The following ZNF248 variants were observed in gnomAD, a reference collection of about 807,000 sequenced individuals.
The protein encoded by ZNF248 is zinc finger protein 248.
Under a neutral mutation model 44.3 loss-of-function variants are expected in ZNF248, and 20 were observed. The ratio of observed to expected loss-of-function variants is 0.45; its 90% CI spans 0.32 to 0.66. The LOEUF is 0.66. Ranked by LOEUF, ZNF248 falls within the 30% of genes least tolerant of loss-of-function variation. ZNF248 has a pLI of 0.04. For missense variants in ZNF248, 654 were observed against 677.0 expected (o/e 0.97, Z 0.38); for synonymous variants, 224 against 229.0 (o/e 0.98, Z 0.20).
intron 5 of ZNF248, among the ~76,000 whole-genome samples, chr10:37,837,018 A>C (rs1391650238): frequency 2.6e-5 from 4 of 152,150 alleles, no homozygotes; most frequent in African/African-American, 2.4e-5. Context: ...CAAACTAACC[A>C]AGAAAACATA....
At chr10:37,811,515 G>C (rs930764240) in intron 6 of ZNF248, among the ~76,000 whole-genome samples, 1 of 151,868 alleles carries the variant, frequency 6.6e-6, no homozygotes, top group Non-Finnish European at 1.5e-5. Context: ...AGAACGGCTT[G>C]ATAGTTTTAG....
intron 6 of ZNF248, among the ~76,000 whole-genome samples, chr10:37,789,431 G>A (rs1027939693): frequency 3.3e-5 from 5 of 152,142 alleles, no homozygotes; most frequent in Non-Finnish European, 7.3e-5. Context: ...GGTGTCTGCT[G>A]AATATCAGTA....
At chr10:37,790,146 C>T (rs1339733651) in intron 6 of ZNF248, among the ~76,000 whole-genome samples, 1 of 151,252 alleles carries the variant, frequency 6.6e-6, no homozygotes, top group Non-Finnish European at 1.5e-5. Flanking sequence ...TGGCAGGTGC[C>T]TGCAGTCCCA....
Position 37,832,261 on chromosome 10 carries a change from G to A in ZNF248, c.1094C>T (p.Ser365Leu). 3 of 1,613,994 alleles carry A rather than the reference G, an allele frequency of 1.9e-6. No homozygotes were observed. The highest frequency in any genetic ancestry group is 2.5e-6 in the Non-Finnish European group (3 of 1,179,940). ...AGCTCTCCGAAGCTGGGTAAGATGTGACTTCTTGCTGAAATTACTCCCATT... is the reference window on the plus strand; with the variant it reads ...AGCTCTCCGAAGCTGGGTAAGATGTAACTTCTTGCTGAAATTACTCCCATT... The part of the protein sequence containing the change: ...NENGSNFSKK[S>L]HLTQLRRAHT... The change falls in exon 6 of 6, where the codon TCA becomes TTA. Residue 365 changes from serine to leucine, a missense_variant. Physicochemically the swap from Ser to Leu is moderately radical, Grantham distance 145. Coordinates refer to ENST00000395867, the MANE Select transcript of ZNF248 (RefSeq NM_021045.3).
chr10:37,818,160 C>T (rs1038037355), intron 6 of ZNF248, among the ~76,000 whole-genome samples: 1 of 152,118 alleles, frequency 6.6e-6, no homozygotes, highest in African/African-American at 2.4e-5. Context: ...TTGTGATCCA[C>T]CTTCCTTGGC....
At chr10:37,808,655 T>C (rs1015722435) in intron 6 of ZNF248, among the ~76,000 whole-genome samples, 1 of 152,128 alleles carries the variant, frequency 6.6e-6, no homozygotes, top group Admixed American at 6.6e-5. Flanking sequence ...TGCATTAGGG[T>C]TCATAAGGGA....
In ZNF248 at chr10:37,844,172, G is replaced by C. The variant is rs1017320149; in HGVS notation, c.16-6061C>G. 9.2e-5 allele frequency among the ~76,000 whole-genome samples: 14 copies of C among 152,144 alleles called. 1 individual carries two copies. Among genetic ancestry groups the C allele is most frequent in the African/African-American group, 3.4e-4 (14 of 41,436 alleles). On this transcript the variant is annotated intron_variant, in intron 3 of 5. Transcript: ENST00000395867. ...AACCACAGAGGTCAGACACCATAGA[G>C]ACCAGAAGGCAGTGGGATGGCATCT... is the stretch of plus-strand genomic sequence containing the variant.
At chr10:37,799,926 G>A (rs2049595638) in intron 6 of ZNF248, among the ~76,000 whole-genome samples, 1 of 152,032 alleles carries the variant, frequency 6.6e-6, no homozygotes, top group Non-Finnish European at 1.5e-5. Flanking sequence ...ACTAGAAGTA[G>A]GCCAGGTGTG....
At chr10:37,813,473 G>A (rs540207503) in intron 6 of ZNF248, among the ~76,000 whole-genome samples, 16 of 152,172 alleles carry the variant, frequency 1.1e-4, no homozygotes, top group African/African-American at 3.9e-4. Context: ...CCACCCCTGA[G>A]AAAGCAAGAC....
intron 6 of ZNF248, among the ~76,000 whole-genome samples, chr10:37,811,002 T>C (rs1318660057): frequency 1.3e-5 from 2 of 152,206 alleles, no homozygotes; most frequent in Non-Finnish European, 1.5e-5. Context: ...AAGTAACCTC[T>C]TACAGTTTTC....
chr10:37,775,309 G>A (rs2046504399), downstream of ZNF248: 1 of 121,202 alleles, frequency 8.3e-6, no homozygotes, highest in Admixed American at 9.9e-5. Context: ...ATCATTTTAT[G>A]CAATGGAAAC....
chr10:37,844,280 A>T (rs1231233430), intron 3 of ZNF248, among the ~76,000 whole-genome samples: 8 of 152,238 alleles, frequency 5.3e-5, no homozygotes, highest in Non-Finnish European at 1.0e-4. Flanking sequence ...TCCTTCAAAA[A>T]TGAAAGAGAA....
chr10:37,820,368 A>C (rs1448120683), intron 6 of ZNF248: 1 of 1,448,612 alleles, frequency 6.9e-7, no homozygotes, highest in African/African-American at 1.4e-5. Flanking sequence ...CTCTGGGTCA[A>C]GCCGAGGTTT....
At chr10:37,778,780 GA>G (rs1050100972) in intron 6 of ZNF248, among the ~76,000 whole-genome samples, 3 of 151,538 alleles carry the variant, frequency 2.0e-5, no homozygotes, top group Non-Finnish European at 4.4e-5. Context: ...GACTAATAAA[GA>G]AAAAAAGAGA....
chr10:37,810,866 T>C (rs1157339663), intron 6 of ZNF248, among the ~76,000 whole-genome samples: 2 of 152,214 alleles, frequency 1.3e-5, no homozygotes, highest in Non-Finnish European at 2.9e-5. Flanking sequence ...TATACTACTA[T>C]AATAATTTCA....
chr10:37,846,933 T>A (rs2134493400), intron 3 of ZNF248, among the ~76,000 whole-genome samples: 1 of 152,336 alleles, frequency 6.6e-6, no homozygotes, highest in South Asian at 2.1e-4. Flanking sequence ...ATATTTGAAT[T>A]CTGATTTAAC....
intron 6 of ZNF248, among the ~76,000 whole-genome samples, chr10:37,782,040 G>T (rs994422353): frequency 6.6e-6 from 1 of 152,148 alleles, no homozygotes; most frequent in Non-Finnish European, 1.5e-5. Flanking sequence ...AGCATTATCA[G>T]TTACAGACAC....
intron 6 of ZNF248, among the ~76,000 whole-genome samples, chr10:37,792,696 A>G (rs1345887612): frequency 1.3e-5 from 2 of 152,204 alleles, no homozygotes; most frequent in African/African-American, 4.8e-5. Flanking sequence ...CCCAAATTCC[A>G]TAACCCCAGT....
At chr10:37,762,639 A>G in the ZNF248 span, among the ~76,000 whole-genome samples, 1 of 152,200 alleles carries the variant, frequency 6.6e-6, no homozygotes, top group South Asian at 2.1e-4. Flanking sequence ...GCATTTTATA[A>G]AAGTTTTTGG....
Sources: gnomAD v4.1 joint callset for allele counts (sites outside exome capture counted in the v4.1 genomes callset) on GRCh38, gnomAD v4.1.1 for gene constraint, MANE v1.5 for transcripts, NCBI Gene and HGNC (gene_info 2026-07-23, HGNC 2026-07-21) for gene names.